EDDM13: variants seen among roughly 807,000 people sequenced by gnomAD.
EDDM13 encodes epididymal protein 13.
In EDDM13, 24 loss-of-function variants were observed where a neutral mutation model predicts 17.8. The ratio of observed to expected loss-of-function variants is 1.35; its 90% CI spans 0.98 to 1.90. The LOEUF (loss-of-function observed/expected upper bound fraction) is 1.90, where lower values mean the gene tolerates loss of function less well. EDDM13 is among the 40% of genes most tolerant of loss of function. The probability of loss-of-function intolerance (pLI) is 0.00; values close to 1 mark genes in which losing one functional copy is unlikely to be tolerated. For synonymous variants in EDDM13, 31 were observed against 37.5 expected, an observed-to-expected ratio of 0.83 and a Z score of 0.63; for missense variants, 97 against 100.8, an observed-to-expected ratio of 0.96 and a Z score of 0.16.
intron 1 of EDDM13, chr19:56,274,508 A>C (rs1020164205): frequency 1.3e-5 from 2 of 152,088 alleles, no homozygotes; most frequent in Non-Finnish European, 2.9e-5. Flanking sequence ...TTTTTTAAAA[A>C]ATTTATTTTG....
At chr19:56,290,297 C>T (rs370300934) in intron 8 of EDDM13, among the ~76,000 whole-genome samples, 1 of 152,228 alleles carries the variant, frequency 6.6e-6, no homozygotes, top group East Asian at 1.9e-4. Context: ...TACTGACACA[C>T]AATCACACCC....
At chr19:56,275,214 G>T (rs1355872320) in intron 1 of EDDM13, among the ~76,000 whole-genome samples, 1 of 152,082 alleles carries the variant, frequency 6.6e-6, no homozygotes, top group African/African-American at 2.4e-5. Flanking sequence ...GAGGCTATGC[G>T]AATACCCTGT....
At chr19:56,281,008 C>T (rs926559668) in intron 2 of EDDM13, among the ~76,000 whole-genome samples, 20 of 152,256 alleles carry the variant, frequency 1.3e-4, no homozygotes, top group Admixed American at 4.6e-4. Context: ...AACTTAACTA[C>T]GAATAGCCTA....
intron 2 of EDDM13, among the ~76,000 whole-genome samples, chr19:56,278,822 G>A (rs1022734417): frequency 6.6e-6 from 1 of 152,186 alleles, no homozygotes; most frequent in South Asian, 2.1e-4. Flanking sequence ...AGTACCTGGA[G>A]TTCTGACATC....
At position 56,284,214 on chromosome 19, in the gene EDDM13, C is replaced by G. The variant is rs2038933084; in HGVS notation, c.127+8C>G. 1.0e-6 allele frequency: 1 copy of G among 982,952 alleles called. No homozygotes were observed. The highest frequency in any genetic ancestry group is 1.8e-5 in the African/African-American group (1 of 55,874). 60.9% of individuals were successfully genotyped at this position (982,952 alleles called of 1,614,324 possible). ...TGCCATCAGGGATCATAGGTAAGTA[C>G]CTTGCCACTTCACAATGCCCCCAGA... On this transcript the variant is annotated splice_region_variant and intron_variant, in intron 5 of 14. Coordinates refer to ENST00000649256, the MANE Select transcript of EDDM13 (RefSeq NM_001354658.2).
intron 12 of EDDM13, chr19:56,298,069 A>C (rs953360480): frequency 2.0e-5 from 3 of 147,926 alleles, no homozygotes; most frequent in African/African-American, 7.4e-5. Context: ...GCAAGTCTCA[A>C]AAAAAAAAAA....
chr19:56,307,381 A>G (rs2040761437), intron 14 of EDDM13, among the ~76,000 whole-genome samples: 1 of 152,232 alleles, frequency 6.6e-6, no homozygotes, highest in Non-Finnish European at 1.5e-5. Context: ...CAAACTTTAA[A>G]AGAAAGAAAA....
chr19:56,276,207 G>A (rs944005838), intron 2 of EDDM13, among the ~76,000 whole-genome samples, 98 bp downstream of exon 2: 5 of 152,192 alleles, frequency 3.3e-5, no homozygotes, highest in African/African-American at 1.2e-4. Context: ...GGGGAAGGGT[G>A]GCACTTGGAT....
At chr19:56,287,954 C>T (rs2039250851) in intron 6 of EDDM13, among the ~76,000 whole-genome samples, 1 of 152,224 alleles carries the variant, frequency 6.6e-6, no homozygotes, top group African/African-American at 2.4e-5. Context: ...ACTCTCGCAT[C>T]CTGGGAACCC....
chr19:56,297,603 C>T (rs2039965296), intron 12 of EDDM13, 72 bp downstream of exon 12: 2 of 869,672 alleles, frequency 2.3e-6, no homozygotes, highest in Non-Finnish European at 1.4e-6. Context: ...TATGATAAAG[C>T]CTTAGAAGAG....
chr19:56,288,966 A>G (rs2039329573), intron 8 of EDDM13, among the ~76,000 whole-genome samples, 75 bp downstream of exon 8: 1 of 152,206 alleles, frequency 6.6e-6, no homozygotes, highest in Non-Finnish European at 1.5e-5. Flanking sequence ...CTCCTTTAAG[A>G]AAATGCCAGG....
rs190801782 is a variant in EDDM13, at chr19:56,308,544, G to A, written c.462-1580G>A. 1.1e-3 allele frequency among the ~76,000 whole-genome samples: 161 copies of A among 150,640 alleles called. 3 individuals carry two copies. Among genetic ancestry groups the A allele is most frequent in the African/African-American group, 3.6e-3 (146 of 40,878 alleles). ...TCACCATGTTGTCCAGGCTGGTCTCGAACTCCTGACCTCAGGTGACCCACC... is the reference window on the plus strand; with the variant it reads ...TCACCATGTTGTCCAGGCTGGTCTCAAACTCCTGACCTCAGGTGACCCACC... On this transcript the variant is annotated intron_variant, in intron 14 of 14. Transcript: ENST00000649256.
intron 9 of EDDM13, among the ~76,000 whole-genome samples, 50 bp downstream of exon 9, chr19:56,290,896 G>T (rs1371709833): frequency 6.6e-6 from 1 of 152,100 alleles, no homozygotes; most frequent in Non-Finnish European, 1.5e-5. Context: ...TTCAGGTGCT[G>T]GGAAGAAGAG....
At chr19:56,279,102 T>C (rs1012617826) in intron 2 of EDDM13, among the ~76,000 whole-genome samples, 2 of 152,214 alleles carry the variant, frequency 1.3e-5, no homozygotes, top group African/African-American at 4.8e-5. Flanking sequence ...CAGTGCCTAC[T>C]GAAGCATTGA....
At chr19:56,273,292 A>G (rs1471832893) in intron 1 of EDDM13, among the ~76,000 whole-genome samples, 2 of 152,208 alleles carry the variant, frequency 1.3e-5, no homozygotes, top group Non-Finnish European at 2.9e-5. Context: ...CAACATTACC[A>G]TAGTTAGATA....
intron 9 of EDDM13, among the ~76,000 whole-genome samples, chr19:56,291,058 G>A (rs1360166219): frequency 6.6e-6 from 1 of 152,212 alleles, no homozygotes; most frequent in Non-Finnish European, 1.5e-5. Context: ...GGGTGTGTCT[G>A]GGATACGGTG....
At chr19:56,293,565 C>G (rs1211385804) in intron 9 of EDDM13, among the ~76,000 whole-genome samples, 1 of 152,192 alleles carries the variant, frequency 6.6e-6, no homozygotes, top group Non-Finnish European at 1.5e-5. Flanking sequence ...CTTTCTAGTT[C>G]CGTGGGCTTC....
At chr19:56,273,903 T>C (rs2038046885) in intron 1 of EDDM13, among the ~76,000 whole-genome samples, 1 of 152,164 alleles carries the variant, frequency 6.6e-6, no homozygotes, top group African/African-American at 2.4e-5. Context: ...GTTTAAACAA[T>C]GTGTCTTGCC....
intron 2 of EDDM13, among the ~76,000 whole-genome samples, chr19:56,279,633 T>C (rs954894413): frequency 1.3e-5 from 2 of 152,212 alleles, no homozygotes; most frequent in Admixed American, 6.5e-5. Context: ...GAGAATCACA[T>C]GGGAAACTTT....
Sources: gnomAD v4.1 joint callset for allele counts (sites outside exome capture counted in the v4.1 genomes callset) on GRCh38, gnomAD v4.1.1 for gene constraint, MANE v1.5 for transcripts, NCBI Gene and HGNC (gene_info 2026-07-23, HGNC 2026-07-21) for gene names.